The following RAPGEF1 variants were observed in gnomAD, a reference collection of about 807,000 sequenced individuals.
The protein encoded by RAPGEF1 is CRK SH3-binding GNRP.
Under a neutral mutation model 143.3 loss-of-function variants are expected in RAPGEF1, and 33 were observed. That is an observed-to-expected ratio of 0.23 (90% CI 0.17 to 0.31). The LOEUF (loss-of-function observed/expected upper bound fraction) is 0.31, where lower values mean the gene tolerates loss of function less well. Among genes scored for constraint, RAPGEF1 ranks in the 10% least tolerant of loss-of-function variants. The pLI, the probability that RAPGEF1 is intolerant of heterozygous loss-of-function variation, is 1.00. For missense variants in RAPGEF1, 1,199 were observed against 1,645.4 expected (o/e 0.73, Z 4.69); for synonymous variants, 629 against 676.5 (o/e 0.93, Z 1.09).
Position 131,584,198 on chromosome 9 carries a change from C to T in RAPGEF1, c.3414+113G>A. 1 of 988,570 alleles carries T rather than the reference C, an allele frequency of 1.0e-6. No homozygotes were observed. The allele number at this position is 988,570 out of a possible 1,614,324, so 61.2% of individuals were successfully genotyped here. ...CAGCATGTCGGTGGCAGAGCAGGGG[C>T]CTAGGCCCAGCATTTGCTCCAGTGG... On this transcript the variant is annotated intron_variant, in intron 24 of 26. Coordinates refer to ENST00000683357, the MANE Select transcript of RAPGEF1 (RefSeq NM_001377935.1). The surrounding 1 kb of genome is among the most constrained non-coding windows in gnomAD (Gnocchi z 6.8).
intron 1 of RAPGEF1, among the ~76,000 whole-genome samples, chr9:131,693,497 CATG>C (rs1833926862): frequency 6.6e-6 from 1 of 152,094 alleles, no homozygotes; most frequent in African/African-American, 2.4e-5. Flanking sequence ...TTGTAGCTGG[CATG>C]ATAAGAAAGT....
chr9:131,683,521 T>C (rs1041219811), intron 1 of RAPGEF1, among the ~76,000 whole-genome samples: 3 of 152,240 alleles, frequency 2.0e-5, no homozygotes, highest in Non-Finnish European at 4.4e-5. Flanking sequence ...TTCCAAAAAA[T>C]TGGCCTTTAA....
At chr9:131,692,757 G>T (rs1311548460) in intron 1 of RAPGEF1, among the ~76,000 whole-genome samples, 1 of 152,164 alleles carries the variant, frequency 6.6e-6, no homozygotes, top group Non-Finnish European at 1.5e-5. Context: ...ACAATCAGTA[G>T]CTTCTACAGA....
At chr9:131,680,811 T>C (rs545422032) in intron 1 of RAPGEF1, among the ~76,000 whole-genome samples, 21 of 152,300 alleles carry the variant, frequency 1.4e-4, no homozygotes, top group Non-Finnish European at 3.1e-4. Context: ...CACACCTCTA[T>C]ATTTCTGTGT....
rs1010757833 is a variant in RAPGEF1, at chr9:131,626,159, A to G, written c.1465T>C (p.Ser489Pro). The G allele has an allele frequency of 1.2e-6, 2 of 1,613,504 alleles. No homozygotes were observed. The highest frequency in any genetic ancestry group is 1.3e-5 in the African/African-American group (1 of 74,768). ...CGCTCGTAGGACACCCTGCAGCCAG[A>G]GCCGTCCGCCGTCTGGGAGGCTGCG... ...RSAASQTADG[S>P]GCRVSYERHP... Residue 489 changes from serine (S) to proline (P), a missense_variant, in exon 10 of 27, where the codon TCT becomes CCT. Transcript: ENST00000683357.
chr9:131,582,585 C>T lies in RAPGEF1; in HGVS notation c.3512+20G>A. On this transcript the variant is annotated intron_variant, in intron 25 of 26. Transcript: ENST00000683357. The stretch of plus-strand genomic sequence containing the variant: ...GGCAAACCCAGGCGGGGCTGGGGGC[C>T]TGGAGGGGCTGCTACTCACAGGTAC... The T allele has an allele frequency of 1.3e-6, 2 of 1,486,822 alleles. No individual in the cohort carries two copies. Among genetic ancestry groups the T allele is most frequent in the Non-Finnish European group, 1.8e-6 (2 of 1,122,514 alleles). 92.1% of individuals were successfully genotyped at this position (1,486,822 alleles called of 1,614,324 possible). A position where few individuals can be genotyped will look rare whatever the true frequency, so the allele number is the denominator to read the frequency against.
At chr9:131,712,053 C>T (rs770321347) in intron 1 of RAPGEF1, among the ~76,000 whole-genome samples, 32 of 152,276 alleles carry the variant, frequency 2.1e-4, no homozygotes, top group South Asian at 4.1e-4. Flanking sequence ...TGCAAAATCA[C>T]GGCCTGAGAG....
chr9:131,705,564 T>C, intron 1 of RAPGEF1, among the ~76,000 whole-genome samples: 1 of 152,150 alleles, frequency 6.6e-6, no homozygotes, highest in East Asian at 1.9e-4. Context: ...CCACTCCCCA[T>C]CTTATTTTTT....
intron 5 of RAPGEF1, among the ~76,000 whole-genome samples, chr9:131,638,290 C>A (rs1258254681): frequency 1.3e-5 from 2 of 152,198 alleles, no homozygotes; most frequent in Admixed American, 6.5e-5. Context: ...AAAGGTAGTG[C>A]TGATATGACA....
intron 19 of RAPGEF1, among the ~76,000 whole-genome samples, chr9:131,589,457 G>C (rs758230427): frequency 3.3e-5 from 5 of 152,258 alleles, no homozygotes; most frequent in Admixed American, 6.5e-5. Context: ...CCGCCTGATG[G>C]AGATTTGTTA....
intron 4 of RAPGEF1, among the ~76,000 whole-genome samples, chr9:131,639,434 G>A (rs1249642026): frequency 1.6e-5 from 1 of 60,694 alleles, no homozygotes; most frequent in Non-Finnish European, 3.8e-5. Context: ...GGGAACGCAG[G>A]TGAGTGTGTG....
intron 12 of RAPGEF1, among the ~76,000 whole-genome samples, chr9:131,607,757 T>C (rs1957342131): frequency 6.6e-6 from 1 of 152,180 alleles, no homozygotes; most frequent in Non-Finnish European, 1.5e-5. Flanking sequence ...TAAGGAGTCA[T>C]GTTCCGCGCT....
chr9:131,689,777 A>G (rs1300537561), intron 1 of RAPGEF1, among the ~76,000 whole-genome samples: 1 of 152,182 alleles, frequency 6.6e-6, no homozygotes, highest in Non-Finnish European at 1.5e-5. Flanking sequence ...AGCTCAGGCA[A>G]TCCGACCGCC....
In RAPGEF1 at chr9:131,577,648, G is replaced by C. The variant is rs1240183092; in HGVS notation, c.*1849C>G. 1 of 152,362 alleles carries C rather than the reference G, an allele frequency of 6.6e-6. No individual in the cohort carries two copies. The highest frequency in any genetic ancestry group is 2.4e-5 in the African/African-American group (1 of 41,464). 9.4% of individuals were successfully genotyped at this position (152,362 alleles called of 1,614,324 possible). On this transcript the variant is annotated 3_prime_UTR_variant, in exon 27 of 27. Transcript: ENST00000683357. Reference sequence around the variant, plus strand: ...GAGCTGGGCAAGGGAAGGGGAGAGAGAGTCAAGGATTGAAATGAAGGGACT... The same window carrying C: ...GAGCTGGGCAAGGGAAGGGGAGAGACAGTCAAGGATTGAAATGAAGGGACT...
At chr9:131,735,387 A>G (rs1837349877) in intron 1 of RAPGEF1, among the ~76,000 whole-genome samples, 1 of 152,174 alleles carries the variant, frequency 6.6e-6, no homozygotes, top group African/African-American at 2.4e-5. Flanking sequence ...TTGTCACAGG[A>G]GCACAGGAGT....
Position 131,677,411 on chromosome 9 carries a change from G to A in RAPGEF1, c.62-26462C>T, listed in dbSNP as rs568960275. 3.3e-5 allele frequency among the ~76,000 whole-genome samples: 5 copies of A among 152,270 alleles called. No individual in the cohort carries two copies. In the East Asian group the frequency reaches 9.6e-4, roughly 29 times the overall value. ...GGATGTCCAATTAACATAAGCACAG[G>A]AATCAACTGGAAAATTTCTAGAAGG... On this transcript the variant is annotated intron_variant, in intron 1 of 26. Coordinates refer to ENST00000683357, the MANE Select transcript of RAPGEF1 (RefSeq NM_001377935.1).
At position 131,578,964 on chromosome 9, in the gene RAPGEF1, G is replaced by A. The variant is rs555195124; in HGVS notation, c.*533C>T. 143 of 153,706 alleles carry A rather than the reference G, an allele frequency of 9.3e-4. No individual in the cohort carries two copies. Among genetic ancestry groups the A allele is most frequent in the African/African-American group, 3.2e-3 (132 of 41,562 alleles). 9.5% of individuals were successfully genotyped at this position (153,706 alleles called of 1,614,324 possible). On this transcript the variant is annotated 3_prime_UTR_variant, in exon 27 of 27. Coordinates refer to ENST00000683357, the MANE Select transcript of RAPGEF1 (RefSeq NM_001377935.1). ...TCCTCCATGCATCAGAAGGGGAAGC[G>A]GAAAGTGAAAGGATCCTCCCCCGAG...
At chr9:131,610,206 T>A (rs990110890) in intron 12 of RAPGEF1, among the ~76,000 whole-genome samples, 4 of 152,194 alleles carry the variant, frequency 2.6e-5, no homozygotes, top group Admixed American at 6.5e-5. Context: ...GGAAAGCAGA[T>A]CTTTAAAGGA....
chr9:131,629,352 A>G, intron 6 of RAPGEF1, 98 bp from the exon 7 acceptor site: 1 of 1,270,182 alleles, frequency 7.9e-7, no homozygotes, highest in South Asian at 1.4e-5. Context: ...GGAAGAACAC[A>G]GTGGGTGAGG....
Sources: allele counts gnomAD v4.1 joint callset (sites outside exome capture counted in the v4.1 genomes callset), GRCh38; gene constraint gnomAD v4.1.1; non-coding constraint Gnocchi (gnomAD v3.1); transcripts MANE v1.5; gene names NCBI Gene and HGNC (gene_info 2026-07-23, HGNC 2026-07-21).